FMN1: variants seen among roughly 807,000 people sequenced by gnomAD.
FMN1 encodes the protein formin-1.
Under a neutral mutation model 132.4 loss-of-function variants are expected in FMN1, and 110 were observed. The observed-to-expected ratio is 0.83, with a 90% CI of 0.71 to 0.97. The LOEUF (loss-of-function observed/expected upper bound fraction) is 0.97. Ranked by LOEUF, FMN1 falls within the 50% of genes least tolerant of loss-of-function variation. The pLI is 0.00. For missense variants in FMN1, 1,792 were observed against 1,705.3 expected (o/e 1.05, Z -0.90); for synonymous variants, 722 against 651.7 (o/e 1.11, Z -1.64).
chr15:32,994,212 C>CCTCTCTCTCTCTCTCTCTCTCT (rs771176022), intron 7 of FMN1, among the ~76,000 whole-genome samples: 146 of 146,464 alleles, frequency 1.0e-3, no homozygotes, highest in Non-Finnish European at 1.4e-3. Flanking sequence ...AGAACTCATT[C>CCTCTCTCTCTCTCTCTCTCTCT]CTCTCTCTCT....
intron 3 of FMN1, among the ~76,000 whole-genome samples, chr15:33,165,438 T>G (rs1313072989): frequency 2.6e-5 from 4 of 152,274 alleles, no homozygotes; most frequent in Non-Finnish European, 5.9e-5. Context: ...TCACCCAGGC[T>G]GGAGTGCAGT....
intron 17 of FMN1, among the ~76,000 whole-genome samples, chr15:32,811,274 G>A (rs747003489): frequency 1.3e-5 from 2 of 152,130 alleles, no homozygotes; most frequent in Non-Finnish European, 2.9e-5. Context: ...GAAATTAGAA[G>A]AGTGATCATT....
Position 32,767,037 on chromosome 15 carries a change from T to C in FMN1, c.*7273A>G, listed in dbSNP as rs1471850226. On this transcript the variant is annotated 3_prime_UTR_variant, in exon 21 of 21. Coordinates refer to ENST00000616417, the MANE Select transcript of FMN1 (RefSeq NM_001277313.2). Reference sequence around the variant, plus strand: ...CTGGGGTACCTGCTTTCCCAGTACATTGGCACTGATCAATACAAGATCAAG... The same window carrying C: ...CTGGGGTACCTGCTTTCCCAGTACACTGGCACTGATCAATACAAGATCAAG... 3.3e-5 allele frequency: 5 copies of C among 152,296 alleles called. No individual in the cohort carries two copies. Among genetic ancestry groups the C allele is most frequent in the Middle Eastern group, 3.4e-3 (1 of 294 alleles). The allele number at this position is 152,296 out of a possible 1,614,324, so 9.4% of individuals were successfully genotyped here.
intron 4 of FMN1, among the ~76,000 whole-genome samples, chr15:33,091,123 T>A (rs1401950787): frequency 6.6e-6 from 1 of 152,140 alleles, no homozygotes; most frequent in African/African-American, 2.4e-5. Flanking sequence ...AAACATAACA[T>A]ATATAATATG....
At chr15:32,957,295 G>GTTTTT (rs1278874015) in intron 9 of FMN1, among the ~76,000 whole-genome samples, 8 of 74,094 alleles carry the variant, frequency 1.1e-4, no homozygotes, top group Admixed American at 3.3e-4. Flanking sequence ...TATCAGAGCA[G>GTTTTT]TTCTTTTTTT....
chr15:33,033,132 G>A lies in FMN1; in HGVS notation c.2162-25057C>T, dbSNP rs139190151. Among the ~76,000 whole-genome samples the A allele has an allele frequency of 7.2e-3, 1,090 of 152,108 alleles. 10 individuals are homozygous for A. The highest frequency in any genetic ancestry group is 0.024 in the African/African-American group (1,010 of 41,456). On this transcript the variant is annotated intron_variant, in intron 6 of 20. Transcript: ENST00000616417. ...TGCAAGCTCTGCCTCCTGGGTTCAC[G>A]CCATTCTCCTGCCTCAGCCTCCCGA...
Position 33,154,918 on chromosome 15 carries a change from G to T in FMN1, c.-4C>A. ...GGGTACAATGAGTGCCTTCCATTAT[G>T]CCTACCTAATTATTCATGCCTTGGA... On this transcript the variant is annotated 5_prime_UTR_variant, in exon 4 of 21. Coordinates refer to ENST00000616417, the MANE Select transcript of FMN1 (RefSeq NM_001277313.2). 6.6e-7 allele frequency: 1 copy of T among 1,524,562 alleles called. No individual in the cohort carries two copies. Among genetic ancestry groups the T allele is most frequent in the Non-Finnish European group, 8.8e-7 (1 of 1,141,112 alleles). The allele number at this position is 1,524,562 out of a possible 1,614,324, so 94.4% of individuals were successfully genotyped here. A position where few individuals can be genotyped will look rare whatever the true frequency, so the allele number is the denominator to read the frequency against.
rs139962806 is a variant in FMN1 at position 32,795,601 on chromosome 15, G to A, written c.4130+3203C>T. On this transcript the variant is annotated intron_variant, in intron 19 of 20. Coordinates refer to ENST00000616417, the MANE Select transcript of FMN1 (RefSeq NM_001277313.2). ...AGCCAATTAATGGGGGTGGGGGGGT[G>A]GCAGGGTGAAGGGTAAAAATGCCTG... Among the ~76,000 whole-genome samples, 265 of 151,684 alleles carry A rather than the reference G, an allele frequency of 1.7e-3. 3 individuals carry two copies. Among genetic ancestry groups the A allele is most frequent in the Non-Finnish European group, 2.9e-3 (196 of 68,010 alleles).
At chr15:32,862,067 C>T (rs1053955561) in intron 16 of FMN1, among the ~76,000 whole-genome samples, 3 of 152,172 alleles carry the variant, frequency 2.0e-5, no homozygotes, top group Non-Finnish European at 2.9e-5. Flanking sequence ...GCCCCGGAGG[C>T]CAGGCAGCTT....
chr15:33,059,897 T>C (rs2037407488), intron 6 of FMN1, among the ~76,000 whole-genome samples: 1 of 152,246 alleles, frequency 6.6e-6, no homozygotes, highest in African/African-American at 2.4e-5. Context: ...GAGTCTCCAG[T>C]CCGCACTTTT....
intron 17 of FMN1, among the ~76,000 whole-genome samples, chr15:32,821,669 C>T (rs571004561): frequency 2.0e-5 from 3 of 152,090 alleles, no homozygotes; most frequent in African/African-American, 4.8e-5. Context: ...CCAGGCTGTT[C>T]TTGAACTCCT....
At chr15:33,066,485 A>C (rs1455656126) in intron 5 of FMN1, 1 of 1,465,290 alleles carries the variant, frequency 6.8e-7, no homozygotes, top group East Asian at 2.4e-5. Flanking sequence ...ATTTTATGTT[A>C]AAATGCAAAA....
intron 4 of FMN1, among the ~76,000 whole-genome samples, chr15:33,098,979 T>C (rs2039189888): frequency 6.6e-6 from 1 of 152,128 alleles, no homozygotes. Context: ...TAAACTCTCT[T>C]GAATAGCCCA....
intron 3 of FMN1, among the ~76,000 whole-genome samples, chr15:33,178,999 G>A (rs530935916): frequency 3.3e-5 from 5 of 152,092 alleles, no homozygotes; most frequent in Non-Finnish European, 5.9e-5. Flanking sequence ...TCCAACCTGC[G>A]TCTCTGCCTG....
chr15:32,806,420 A>G (rs1595963575), intron 17 of FMN1, among the ~76,000 whole-genome samples: 1 of 152,354 alleles, frequency 6.6e-6, no homozygotes, highest in East Asian at 1.9e-4. Flanking sequence ...ATACATGCAG[A>G]GTGCTTAGCA....
At chr15:33,011,725 A>G (rs1051410004) in intron 6 of FMN1, among the ~76,000 whole-genome samples, 1 of 152,180 alleles carries the variant, frequency 6.6e-6, no homozygotes, top group Non-Finnish European at 1.5e-5. Flanking sequence ...GATCTAGTGT[A>G]AATATATAAA....
At chr15:33,100,438 G>C (rs1342779983) in intron 4 of FMN1, among the ~76,000 whole-genome samples, 1 of 152,056 alleles carries the variant, frequency 6.6e-6, no homozygotes, top group Non-Finnish European at 1.5e-5. Flanking sequence ...AACGGGGGTT[G>C]ACACCTATGC....
chr15:32,842,217 C>A (rs1050511554), intron 17 of FMN1, among the ~76,000 whole-genome samples: 1 of 152,158 alleles, frequency 6.6e-6, no homozygotes, highest in Non-Finnish European at 1.5e-5. Context: ...AGAAGGCTAA[C>A]TACTGCGAGA....
At chr15:33,017,840 G>T (rs570600209) in intron 6 of FMN1, among the ~76,000 whole-genome samples, 1 of 152,278 alleles carries the variant, frequency 6.6e-6, no homozygotes, top group South Asian at 2.1e-4. Flanking sequence ...TGAGGCGGAC[G>T]GATTTCCTGA....
Sources: allele counts gnomAD v4.1 joint callset (sites outside exome capture counted in the v4.1 genomes callset), GRCh38; gene constraint gnomAD v4.1.1; transcripts MANE v1.5; gene names NCBI Gene and HGNC (gene_info 2026-07-23, HGNC 2026-07-21).